Variants in SREK1 observed in about 807,000 individuals in gnomAD.
The protein encoded by SREK1 is splicing regulatory glutamic acid and lysine rich protein 1, also known as splicing regulatory glutamine/lysine-rich protein 1.
In SREK1, 13 loss-of-function variants were observed where a neutral mutation model predicts 66.5. The ratio of observed to expected loss-of-function variants is 0.20; its 90% confidence interval spans 0.13 to 0.31. The LOEUF is 0.31. Among genes scored for constraint, SREK1 ranks in the 10% least tolerant of loss-of-function variants. SREK1 has a pLI of 1.00. For synonymous variants in SREK1, 265 were observed against 263.5 expected (o/e 1.01, Z -0.05); for missense variants, 607 against 769.6 (o/e 0.79, Z 2.50).
rs138958986 is a variant in SREK1 at position 66,147,092 on chromosome 5, T to C, written c.161+2555T>C. ...ACTTAAATGACTTAAGTTGCTAATA[T>C]GAAAATTCAGATTTTAAATTTAATT... is the stretch of plus-strand genomic sequence containing the variant. On this transcript the variant is annotated intron_variant, in intron 1 of 11. Transcript: ENST00000334121. 9.8e-3 allele frequency among the ~76,000 whole-genome samples: 1,487 copies of C among 152,284 alleles called. 19 individuals carry two copies. The highest frequency in any genetic ancestry group is 0.033 in the African/African-American group (1,385 of 41,542).
At chr5:66,172,299 C>CT (rs1478243098) in intron 9 of SREK1, among the ~76,000 whole-genome samples, 2 of 152,076 alleles carry the variant, frequency 1.3e-5, no homozygotes, top group African/African-American at 4.8e-5. Flanking sequence ...AACGAATTTA[C>CT]TTTTTTTGAT....
intron 1 of SREK1, among the ~76,000 whole-genome samples, chr5:66,149,280 G>T (rs563535001): frequency 1.6e-4 from 25 of 152,184 alleles, no homozygotes; most frequent in African/African-American, 6.0e-4. Context: ...AACCCGGGAG[G>T]CGGAGGTTGC....
In SREK1 at chr5:66,174,923, AATG is replaced by A. The variant is rs1283351873; in HGVS notation, c.1485-19_1485-17del. On this transcript the variant is annotated intron_variant, in intron 9 of 11. Coordinates refer to ENST00000334121, the MANE Select transcript of SREK1 (RefSeq NM_001077199.3). Reference sequence around the variant, plus strand: ...GTTTATTTCAATTGCTGTTTTTAAAAATGATGTGTTTTTGATTTTCAGGGAAAG... The same window carrying A: ...GTTTATTTCAATTGCTGTTTTTAAAAATGTGTTTTTGATTTTCAGGGAAAG... The A allele has an allele frequency of 6.2e-7, 1 of 1,603,070 alleles. No individual in the cohort carries two copies. The highest frequency in any genetic ancestry group is 1.3e-5 in the African/African-American group (1 of 74,584).
intron 7 of SREK1, 169 bp from the exon 8 acceptor site, chr5:66,169,878 CAATG>C: frequency 2.1e-6 from 1 of 483,402 alleles, no homozygotes; most frequent in Non-Finnish European, 3.6e-6. Flanking sequence ...CTGTTCTAGA[CAATG>C]AAATATCCGG....
chr5:66,151,816 G>T (rs1743841883), intron 1 of SREK1, among the ~76,000 whole-genome samples: 1 of 148,068 alleles, frequency 6.8e-6, no homozygotes, highest in Non-Finnish European at 1.5e-5. Flanking sequence ...AAGTGAGTTG[G>T]ATGCTAAGAG....
intron 1 of SREK1, among the ~76,000 whole-genome samples, chr5:66,151,465 A>G (rs1461739247): frequency 6.6e-6 from 1 of 152,166 alleles, no homozygotes; most frequent in Non-Finnish European, 1.5e-5. Context: ...AGTGACTCCT[A>G]GGTTTCGGAC....
intron 2 of SREK1, chr5:66,156,018 A>T: frequency 1.3e-6 from 2 of 1,533,176 alleles, no homozygotes; most frequent in East Asian, 2.5e-5. Flanking sequence ...TTTGACTATT[A>T]ATTTGGTTTT....
At chr5:66,160,864 T>A (rs1744699463) in intron 3 of SREK1, among the ~76,000 whole-genome samples, 1 of 152,218 alleles carries the variant, frequency 6.6e-6, no homozygotes, top group African/African-American at 2.4e-5. Flanking sequence ...CTTTTTTCCT[T>A]GAAAGCTCTT....
At chr5:66,157,104 A>G (rs1744351858) in intron 2 of SREK1, 2 of 950,216 alleles carry the variant, frequency 2.1e-6, no homozygotes, top group Non-Finnish European at 2.5e-6. Flanking sequence ...GAATAAGTAT[A>G]TAGAGTAATT....
intron 3 of SREK1, among the ~76,000 whole-genome samples, chr5:66,161,838 G>C (rs1349372119): frequency 6.6e-6 from 1 of 152,160 alleles, no homozygotes; most frequent in Non-Finnish European, 1.5e-5. Context: ...ATAGAACATA[G>C]CTATGTCAGG....
chr5:66,150,298 A>G (rs1362756787), intron 1 of SREK1, among the ~76,000 whole-genome samples: 2 of 152,208 alleles, frequency 1.3e-5, no homozygotes, highest in Non-Finnish European at 2.9e-5. Context: ...GTACCTAATG[A>G]TTGCGGTATC....
chr5:66,174,952 G>T lies in SREK1; in HGVS notation c.1491G>T (p.Arg497Ser), dbSNP rs772728374. The T allele has an allele frequency of 2.5e-6, 4 of 1,612,600 alleles. No homozygotes were observed. In the East Asian group the frequency reaches 6.7e-5, roughly 27 times the overall value. The change falls in exon 10 of 12, where the codon AGG becomes AGT. Residue 497 changes from arginine (R) to serine (S), a missense_variant. Around this residue, in one of 5 missense-constraint regions of SREK1, gnomAD observed 318 missense variants for 310.3 expected, o/e 1.02. Transcript: ENST00000334121. ...ATGTGTTTTTGATTTTCAGGGAAAGGCGTAGGAGGAGGAGCAGGAGTTCTT... is the reference window on the plus strand; with the variant it reads ...ATGTGTTTTTGATTTTCAGGGAAAGTCGTAGGAGGAGGAGCAGGAGTTCTT... Reference protein sequence around the residue: ...SRRSRSSSRERRRRRSRSSSR... With the variant: ...SRRSRSSSRESRRRRSRSSSR...
chr5:66,150,430 T>G (rs1366537724), intron 1 of SREK1, among the ~76,000 whole-genome samples: 2 of 152,232 alleles, frequency 1.3e-5, no homozygotes, highest in Non-Finnish European at 2.9e-5. Flanking sequence ...AAGACCCATA[T>G]GTTTGTGATG....
chr5:66,149,433 G>A (rs938355167), intron 1 of SREK1, among the ~76,000 whole-genome samples: 5 of 152,156 alleles, frequency 3.3e-5, no homozygotes, highest in Non-Finnish European at 7.4e-5. Context: ...CCATGATGAT[G>A]CTGTTCAGAA....
chr5:66,163,495 T>G, intron 5 of SREK1: 1 of 222,272 alleles, frequency 4.5e-6, no homozygotes, highest in Non-Finnish European at 9.1e-6. Context: ...TATCAACATT[T>G]TAATTTATTT....
intron 7 of SREK1, chr5:66,168,512 G>T (rs1312722336): frequency 6.6e-6 from 1 of 152,032 alleles, no homozygotes; most frequent in Non-Finnish European, 1.5e-5. Context: ...ACAGGTGCAT[G>T]CCACCATACC....
chr5:66,149,232 T>A (rs27338), intron 1 of SREK1, among the ~76,000 whole-genome samples: 113,877 of 152,014 alleles, frequency 0.75, 43,857 homozygotes, highest in African/African-American at 0.93. Flanking sequence ...GTGCACCTGT[T>A]ATCCCAGCTA....
intron 2 of SREK1, chr5:66,156,590 C>G: frequency 1.0e-6 from 1 of 985,388 alleles, no homozygotes; most frequent in Non-Finnish European, 1.2e-6. Context: ...TTTTTTCCCC[C>G]CTAGTCTACA....
intron 7 of SREK1, chr5:66,167,681 C>G (rs1470159664): frequency 5.3e-5 from 8 of 152,130 alleles, no homozygotes; most frequent in Non-Finnish European, 8.8e-5. Flanking sequence ...ATCTCAATTG[C>G]AGGGTAAGGT....
Sources: gnomAD v4.1 joint callset for allele counts (sites outside exome capture counted in the v4.1 genomes callset) on GRCh38, gnomAD v4.1.1 for gene constraint, gnomAD v4.1.1 regional missense constraint, MANE v1.5 for transcripts, NCBI Gene and HGNC (gene_info 2026-07-23, HGNC 2026-07-21) for gene names.